TBC1D30: variants seen among roughly 807,000 people sequenced by gnomAD.
The protein encoded by TBC1D30 is TBC1 domain family, member 30.
Under a neutral mutation model 63.2 loss-of-function variants are expected in TBC1D30, and 31 were observed. That is an observed-to-expected ratio of 0.49 (90% CI 0.37 to 0.66). The LOEUF is 0.66. Among genes scored for constraint, TBC1D30 ranks in the 30% least tolerant of loss-of-function variants. The pLI is 0.00. For missense variants in TBC1D30, 810 were observed against 953.6 expected (o/e 0.85, Z 1.98); for synonymous variants, 307 against 361.5 (o/e 0.85, Z 1.71).
At chr12:64,828,699 GA>G (rs1375644767) in intron 3 of TBC1D30, among the ~76,000 whole-genome samples, 190 bp downstream of exon 3, 1 of 152,034 alleles carries the variant, frequency 6.6e-6, no homozygotes, top group Non-Finnish European at 1.5e-5. Flanking sequence ...TATAGCAATG[GA>G]AAAAAACAAA....
In TBC1D30 at chr12:64,876,581, G is replaced by A. The variant is rs1473194855; in HGVS notation, c.*793G>A. ...GGAGAGCTTTGATCCTCAGTGGTACGGATGACTTGATGGGCTCCATGCGGA... is the reference window on the plus strand; with the variant it reads ...GGAGAGCTTTGATCCTCAGTGGTACAGATGACTTGATGGGCTCCATGCGGA... On this transcript the variant is annotated 3_prime_UTR_variant, in exon 12 of 12. Coordinates refer to ENST00000539867, the MANE Select transcript of TBC1D30 (RefSeq NM_015279.2). 2.6e-5 allele frequency: 9 copies of A among 345,712 alleles called. No individual in the cohort carries two copies. The highest frequency in any genetic ancestry group is 8.9e-5 in the South Asian group (4 of 44,892). The allele number at this position is 345,712 out of a possible 1,614,324, so 21.4% of individuals were successfully genotyped here.
intron 7 of TBC1D30, among the ~76,000 whole-genome samples, chr12:64,840,027 A>AAAAAAC (rs1555171793): frequency 1.4e-4 from 20 of 145,796 alleles, no homozygotes; most frequent in African/African-American, 5.2e-4. Context: ...AAAAAAAAAA[A>AAAAAAC]ATCCACCAAC....
rs537841562 is a variant in TBC1D30 at position 64,791,092 on chromosome 12, A to C, written c.643+5047A>C. Among the ~76,000 whole-genome samples the C allele has an allele frequency of 2.6e-5, 4 of 152,378 alleles. No individual in the cohort carries two copies. In the South Asian group the frequency reaches 8.3e-4, roughly 32 times the overall value. On this transcript the variant is annotated intron_variant, in intron 2 of 12. Coordinates refer to the TBC1D30 transcript ENST00000542120. ...ATGTGATTATTATTCATATAATTGAATATTATTCAGCCATAAAAGAATGAA... is the reference window on the plus strand; with the variant it reads ...ATGTGATTATTATTCATATAATTGACTATTATTCAGCCATAAAAGAATGAA...
chr12:64,789,681 G>A lies in TBC1D30; in HGVS notation c.643+3636G>A, dbSNP rs939167184. 5.9e-5 allele frequency among the ~76,000 whole-genome samples: 9 copies of A among 152,136 alleles called. No homozygotes were observed. In the East Asian group the frequency reaches 1.7e-3, roughly 29 times the overall value. ...ATGACATAGCTACTTACATTTTATG[G>A]TTTCCTACACCAAGCCTTATAGTAG... On this transcript the variant is annotated intron_variant, in intron 2 of 12. Coordinates refer to the TBC1D30 transcript ENST00000542120.
At chr12:64,842,599 A>G (rs1303776370) in intron 7 of TBC1D30, among the ~76,000 whole-genome samples, 1 of 152,166 alleles carries the variant, frequency 6.6e-6, no homozygotes, top group Non-Finnish European at 1.5e-5. Context: ...AAAACACCCC[A>G]TGGACTGATG....
In TBC1D30 at chr12:64,797,682, C is replaced by T. The variant is rs117801550; in HGVS notation, c.643+11637C>T. Among the ~76,000 whole-genome samples, 15 of 152,290 alleles carry T rather than the reference C, an allele frequency of 9.8e-5. 1 individual carries two copies. In the East Asian group the frequency reaches 2.3e-3, roughly 24 times the overall value. ...CTTTTTACATCCTATTTTCTCCCCT[C>T]GCTCTCAGCTGGTGATTTTTGCTGT... On this transcript the variant is annotated intron_variant, in intron 2 of 12. Transcript: ENST00000542120.
At chr12:64,780,971 T>C (rs1871243267) in exon 1 of TBC1D30, 11 of 1,053,296 alleles carry the variant, frequency 1.0e-5, no homozygotes, top group African/African-American at 1.7e-5. Context: ...GCCGCGGCGC[T>C]CCCGGGACAC....
chr12:64,879,192 C>T lies in TBC1D30; in HGVS notation c.*3404C>T, dbSNP rs1475660356. On this transcript the variant is annotated 3_prime_UTR_variant, in exon 12 of 12. Coordinates refer to ENST00000539867, the MANE Select transcript of TBC1D30 (RefSeq NM_015279.2). Reference sequence around the variant, plus strand: ...CAGTACGTTTGTGTATGTGTGTACACGCCATTATCTACAAAAAAGTTATGT... The same window carrying T: ...CAGTACGTTTGTGTATGTGTGTACATGCCATTATCTACAAAAAAGTTATGT... 3 of 152,178 alleles carry T rather than the reference C, an allele frequency of 2.0e-5. No homozygotes were observed. The highest frequency in any genetic ancestry group is 2.0e-4 in the Admixed American group (3 of 15,274). 9.4% of individuals were successfully genotyped at this position (152,178 alleles called of 1,614,324 possible).
chr12:64,829,080 G>A (rs1309148191), intron 3 of TBC1D30, among the ~76,000 whole-genome samples: 3 of 152,170 alleles, frequency 2.0e-5, no homozygotes, highest in Admixed American at 6.5e-5. Context: ...GGTCATAGAG[G>A]TAATGTGGTG....
intron 2 of TBC1D30, chr12:64,818,320 A>G: frequency 1.2e-6 from 1 of 846,768 alleles, no homozygotes. Flanking sequence ...ACATTGCAAC[A>G]TATATAATAC....
intron 7 of TBC1D30, among the ~76,000 whole-genome samples, chr12:64,841,608 C>T (rs1875876032): frequency 6.6e-6 from 1 of 152,222 alleles, no homozygotes; most frequent in African/African-American, 2.4e-5. Context: ...TCAGCTCTCA[C>T]TGGCTTCCTC....
rs1468361066 is a variant in TBC1D30 at position 64,767,809 on chromosome 12, G to A, written c.-376+8160G>A. 2.2e-4 allele frequency among the ~76,000 whole-genome samples: 25 copies of A among 115,432 alleles called. 1 individual carries two copies. The highest frequency in any genetic ancestry group is 5.5e-4 in the Admixed American group (6 of 10,822). The allele number at this position is 115,432 out of a possible 152,430, so 75.7% of individuals were successfully genotyped here. A position where few individuals can be genotyped will look rare whatever the true frequency, so the allele number is the denominator to read the frequency against. On this transcript the variant is annotated intron_variant, in intron 1 of 13. Coordinates refer to the TBC1D30 transcript ENST00000674237. The stretch of plus-strand genomic sequence containing the variant: ...CCGGCGGGGGGGGGGGGAGGGGGGG[G>A]AGATAGGCTCTATGAAAATTTAGAA...
chr12:64,867,577 T>C (rs1434925322), intron 10 of TBC1D30, among the ~76,000 whole-genome samples: 1 of 152,222 alleles, frequency 6.6e-6, no homozygotes, highest in African/African-American at 2.4e-5. Flanking sequence ...TTTTTCTCTG[T>C]GGTGACTTTT....
chr12:64,826,407 A>G (rs1874352596), intron 1 of TBC1D30, among the ~76,000 whole-genome samples: 1 of 152,228 alleles, frequency 6.6e-6, no homozygotes, highest in African/African-American at 2.4e-5. Context: ...TCAGACATAC[A>G]GGGAATCCTT....
At chr12:64,805,910 C>A (rs537297107) in intron 2 of TBC1D30, among the ~76,000 whole-genome samples, 2 of 152,090 alleles carry the variant, frequency 1.3e-5, no homozygotes, top group African/African-American at 4.8e-5. Flanking sequence ...GAGGATTAAT[C>A]CTATATCAGA....
chr12:64,776,010 C>A (rs1463170894), upstream of TBC1D30, among the ~76,000 whole-genome samples: 1 of 152,144 alleles, frequency 6.6e-6, no homozygotes, highest in Middle Eastern at 3.2e-3. Context: ...ATTGAATAAC[C>A]TGCTCCTGAA....
intron 7 of TBC1D30, among the ~76,000 whole-genome samples, chr12:64,842,116 G>T (rs996598026): frequency 6.6e-6 from 1 of 152,176 alleles, no homozygotes; most frequent in African/African-American, 2.4e-5. Context: ...CCAGCACTTT[G>T]AGAGGCCGAA....
chr12:64,863,688 G>C (rs1228041783), intron 8 of TBC1D30, among the ~76,000 whole-genome samples: 2 of 152,208 alleles, frequency 1.3e-5, no homozygotes, highest in Non-Finnish European at 2.9e-5. Flanking sequence ...CTGTCACAAT[G>C]GTGGCACTAA....
chr12:64,801,638 C>A (rs1872586530), intron 2 of TBC1D30, among the ~76,000 whole-genome samples: 1 of 151,976 alleles, frequency 6.6e-6, no homozygotes, highest in African/African-American at 2.4e-5. Flanking sequence ...GCCTTCCTAG[C>A]TAGATTAAAA....
Sources: allele counts gnomAD v4.1 joint callset (sites outside exome capture counted in the v4.1 genomes callset), GRCh38; gene constraint gnomAD v4.1.1; transcripts MANE v1.5; gene names NCBI Gene and HGNC (gene_info 2026-07-23, HGNC 2026-07-21).